TMC2: variants seen among roughly 807,000 people sequenced by gnomAD.
TMC2 encodes transmembrane channel-like protein 2.
Under a neutral mutation model 105.9 loss-of-function variants are expected in TMC2, and 102 were observed. The ratio of observed to expected loss-of-function variants is 0.96; its 90% CI spans 0.82 to 1.14. The LOEUF is 1.14. TMC2 is among the 50% of genes most tolerant of loss of function. The pLI is 0.00. For synonymous variants in TMC2, 402 were observed against 422.8 expected (o/e 0.95, Z 0.60); for missense variants, 1,093 against 1,134.3 (o/e 0.96, Z 0.52).
intron 2 of TMC2, among the ~76,000 whole-genome samples, chr20:2,557,818 C>T (rs1028113651): frequency 1.3e-5 from 2 of 152,164 alleles, no homozygotes; most frequent in African/African-American, 4.8e-5. Context: ...AGTGCGCCCC[C>T]ACCAAGGCAG....
At chr20:2,574,818 C>T (rs765129335) in intron 5 of TMC2, among the ~76,000 whole-genome samples, 7 of 152,054 alleles carry the variant, frequency 4.6e-5, no homozygotes, top group Non-Finnish European at 7.4e-5. Flanking sequence ...CTCTGCCTCC[C>T]AGGTTCAAGC....
intron 5 of TMC2, 42 bp from the exon 6 acceptor site, chr20:2,579,104 T>G: frequency 8.7e-6 from 10 of 1,152,402 alleles, no homozygotes; most frequent in African/African-American, 1.5e-5. Context: ...TGCTCCAGGT[T>G]GACATGTTAA....
At chr20:2,551,012 A>G (rs1288702154) in intron 2 of TMC2, among the ~76,000 whole-genome samples, 1 of 152,222 alleles carries the variant, frequency 6.6e-6, no homozygotes, top group Non-Finnish European at 1.5e-5. Context: ...CGGAGTGCAA[A>G]TGCTGGATTT....
intron 7 of TMC2, among the ~76,000 whole-genome samples, chr20:2,591,677 C>T (rs751888419): frequency 4.6e-5 from 7 of 151,630 alleles, no homozygotes; most frequent in Non-Finnish European, 1.0e-4. Context: ...CACTGCACTC[C>T]AGCCTAGGTG....
intron 11 of TMC2, among the ~76,000 whole-genome samples, chr20:2,609,858 G>GT (rs1442926488): frequency 6.6e-6 from 1 of 151,656 alleles, no homozygotes; most frequent in Non-Finnish European, 1.5e-5. Context: ...GTTTGTTTTT[G>GT]TTTTTTTGAG....
intron 11 of TMC2, among the ~76,000 whole-genome samples, chr20:2,606,277 T>C (rs1318918389): frequency 1.3e-5 from 2 of 152,228 alleles, no homozygotes; most frequent in Non-Finnish European, 2.9e-5. Context: ...TATTTACTTT[T>C]GAGATGAAGT....
intron 19 of TMC2, among the ~76,000 whole-genome samples, chr20:2,640,109 G>A (rs766171888): frequency 6.6e-6 from 1 of 152,144 alleles, no homozygotes; most frequent in East Asian, 1.9e-4. Flanking sequence ...AGTCTTCTGA[G>A]TGGCTGTTAT....
chr20:2,579,434 A>G (rs1019132128), intron 6 of TMC2, among the ~76,000 whole-genome samples: 1 of 149,958 alleles, frequency 6.7e-6, no homozygotes, highest in Admixed American at 6.7e-5. Context: ...ATTTTTATTT[A>G]TTTTTGAGAC....
intron 17 of TMC2, among the ~76,000 whole-genome samples, chr20:2,628,686 C>T (rs1443328540): frequency 6.6e-6 from 1 of 152,218 alleles, no homozygotes; most frequent in Non-Finnish European, 1.5e-5. Flanking sequence ...TGCCTTGCTT[C>T]CCCTTCACCT....
rs561425151 is a variant in TMC2 at position 2,562,114 on chromosome 20, G to A, written c.554+104G>A. On this transcript the variant is annotated intron_variant, in intron 4 of 19. Coordinates refer to ENST00000358864, the MANE Select transcript of TMC2 (RefSeq NM_080751.3). ...TTTCCCCAAAGGGGCTTGATGTGAG[G>A]GGGCTGCTCCAGCGAGGACAGCACT... 57 of 1,386,594 alleles carry A rather than the reference G, an allele frequency of 4.1e-5. No homozygotes were observed. In the South Asian group the frequency reaches 7.8e-4, roughly 19 times the overall value. 85.9% of individuals were successfully genotyped at this position (1,386,594 alleles called of 1,614,324 possible).
intron 17 of TMC2, among the ~76,000 whole-genome samples, chr20:2,626,410 C>T (rs1600139286): frequency 6.6e-6 from 1 of 152,150 alleles, no homozygotes; most frequent in African/African-American, 2.4e-5. Flanking sequence ...TGGGCTTCCT[C>T]ATAGTATGGT....
At chr20:2,594,759 G>C in intron 8 of TMC2, 66 bp from the exon 9 acceptor site, 1 of 1,530,860 alleles carries the variant, frequency 6.5e-7, no homozygotes, top group Admixed American at 1.9e-5. Flanking sequence ...TGGTAGAGTA[G>C]ACATGTCTGG....
At chr20:2,551,003 G>A (rs991717638) in intron 2 of TMC2, among the ~76,000 whole-genome samples, 6 of 152,180 alleles carry the variant, frequency 3.9e-5, no homozygotes, top group Admixed American at 1.3e-4. Context: ...TTAACACCTC[G>A]GAGTGCAAAT....
At chr20:2,559,766 T>C (rs1473489255) in intron 3 of TMC2, among the ~76,000 whole-genome samples, 2 of 152,168 alleles carry the variant, frequency 1.3e-5, no homozygotes, top group Non-Finnish European at 2.9e-5. Flanking sequence ...GTCTACTGTC[T>C]GGTTGCTCCC....
chr20:2,567,145 A>G (rs1448233757), intron 4 of TMC2, among the ~76,000 whole-genome samples: 2 of 152,170 alleles, frequency 1.3e-5, no homozygotes, highest in African/African-American at 2.4e-5. Flanking sequence ...CCTTTTCCCC[A>G]TGGTTTCGGT....
At chr20:2,602,016 C>A in intron 10 of TMC2, 97 bp from the exon 11 acceptor site, 2 of 777,964 alleles carry the variant, frequency 2.6e-6, no homozygotes, top group Non-Finnish European at 4.1e-6. Flanking sequence ...TATTTCATTT[C>A]TGGAAATATA....
In TMC2 at chr20:2,623,136, C is replaced by T. The variant is rs573891136; in HGVS notation, c.2181-1135C>T. 6.4e-4 allele frequency among the ~76,000 whole-genome samples: 97 copies of T among 152,150 alleles called. 1 individual carries two copies. Among genetic ancestry groups the T allele is most frequent in the African/African-American group, 2.2e-3 (90 of 41,502 alleles). ...GCACTTGAAATGTGTAACTAAGAAA[C>T]TGAATTTCAAATTTGACTTCATCTT... is the stretch of plus-strand genomic sequence containing the variant. On this transcript the variant is annotated intron_variant, in intron 16 of 19. Coordinates refer to ENST00000358864, the MANE Select transcript of TMC2 (RefSeq NM_080751.3).
At chr20:2,598,871 A>G (rs765391434) in intron 10 of TMC2, among the ~76,000 whole-genome samples, 3 of 152,168 alleles carry the variant, frequency 2.0e-5, no homozygotes, top group Non-Finnish European at 2.9e-5. Context: ...AAAACAAAAC[A>G]AATCAAAACA....
At chr20:2,569,973 G>A (rs969964075) in intron 4 of TMC2, among the ~76,000 whole-genome samples, 10 of 152,236 alleles carry the variant, frequency 6.6e-5, no homozygotes, top group African/African-American at 2.4e-4. Flanking sequence ...GGCATTGAAG[G>A]AACATACCTC....
Sources: allele counts gnomAD v4.1 joint callset (sites outside exome capture counted in the v4.1 genomes callset), GRCh38; gene constraint gnomAD v4.1.1; transcripts MANE v1.5; gene names NCBI Gene and HGNC (gene_info 2026-07-23, HGNC 2026-07-21).